CTNNA2: variants seen among roughly 807,000 people sequenced by gnomAD.
CTNNA2 encodes catenin alpha 2.
CTNNA2 carries 42 observed loss-of-function variants against 101.0 expected under a neutral mutation model. The observed-to-expected ratio is 0.42, with a 90% confidence interval of 0.32 to 0.54. The LOEUF is 0.54. Among genes scored for constraint, CTNNA2 ranks in the 20% least tolerant of loss-of-function variants. The pLI, the probability that CTNNA2 is intolerant of heterozygous loss-of-function variation, is 0.14. For synonymous variants in CTNNA2, 450 were observed against 456.4 expected, an observed-to-expected ratio of 0.99 and a Z score of 0.18; for missense variants, 871 against 1,223.1, an observed-to-expected ratio of 0.71 and a Z score of 4.29.
At chr2:79,457,958 T>G (rs773073501) in intron 4 of CTNNA2, among the ~76,000 whole-genome samples, 4 of 152,178 alleles carry the variant, frequency 2.6e-5, no homozygotes, top group Admixed American at 6.5e-5. Context: ...AGACAGTTCC[T>G]GGCATCAGCA....
intron 1 of CTNNA2, among the ~76,000 whole-genome samples, chr2:79,528,490 A>G (rs1356036317): frequency 6.6e-6 from 1 of 152,094 alleles, no homozygotes; most frequent in Non-Finnish European, 1.5e-5. Flanking sequence ...TGATGGTTGC[A>G]TATACTGTTT....
chr2:79,603,572 G>C (rs570683613), intron 1 of CTNNA2, among the ~76,000 whole-genome samples: 1 of 152,022 alleles, frequency 6.6e-6, no homozygotes, highest in Admixed American at 6.6e-5. Context: ...ATTTAAAAAC[G>C]AGCCAAAGCT....
intron 2 of CTNNA2, among the ~76,000 whole-genome samples, chr2:79,300,781 C>G (rs1234576617): frequency 6.6e-6 from 1 of 152,154 alleles, no homozygotes; most frequent in Non-Finnish European, 1.5e-5. Flanking sequence ...CTATGCCCTC[C>G]TTCTATCTGT....
At chr2:80,478,955 T>G (rs1685934659) in intron 9 of CTNNA2, among the ~76,000 whole-genome samples, 1 of 152,060 alleles carries the variant, frequency 6.6e-6, no homozygotes, top group African/African-American at 2.4e-5. Context: ...ATCTGTAGAT[T>G]GCTTTGGGCA....
intron 13 of CTNNA2, among the ~76,000 whole-genome samples, chr2:80,579,763 G>T (rs1011692792): frequency 6.6e-6 from 1 of 152,192 alleles, no homozygotes; most frequent in East Asian, 1.9e-4. Context: ...CTATTGGCAC[G>T]AAGGACCCCA....
intron 2 of CTNNA2, among the ~76,000 whole-genome samples, chr2:79,721,096 C>T (rs985364979): frequency 3.3e-5 from 5 of 150,918 alleles, no homozygotes; most frequent in African/African-American, 4.9e-5. Context: ...CTTGTTCAGG[C>T]GGAAATCTCA....
At chr2:79,467,330 AAG>A (rs1259875384) in intron 4 of CTNNA2, among the ~76,000 whole-genome samples, 4 of 152,198 alleles carry the variant, frequency 2.6e-5, no homozygotes, top group African/African-American at 9.7e-5. Flanking sequence ...TTAGAGAAAA[AAG>A]AGAAAAAAGA....
chr2:80,303,117 G>T lies in CTNNA2; in HGVS notation c.1057-90094G>T. Reference sequence around the variant, plus strand: ...TTCCTCCGCAGGCAGAGCGAGTGCAGGGAGATGAGGCGCGGGAAGTGGGCG... The same window carrying T: ...TTCCTCCGCAGGCAGAGCGAGTGCATGGAGATGAGGCGCGGGAAGTGGGCG... On this transcript the variant is annotated intron_variant, in intron 7 of 18. Transcript: ENST00000402739. This position sits in a 1 kb window ranked among gnomAD's most constrained non-coding sequence, Gnocchi z 7.7. 6.2e-7 allele frequency: 1 copy of T among 1,614,094 alleles called. No individual in the cohort carries two copies. The highest frequency in any genetic ancestry group is 8.5e-7 in the Non-Finnish European group (1 of 1,180,028).
chr2:80,512,211 G>A (rs1261975622), intron 9 of CTNNA2, among the ~76,000 whole-genome samples: 2 of 150,474 alleles, frequency 1.3e-5, no homozygotes, highest in African/African-American at 4.9e-5. Context: ...TTTTGCTCTG[G>A]ATTTAATTCT....
rs147494443 is a variant in CTNNA2, at chr2:79,316,283, C to T, written c.-318+3487C>T. Among the ~76,000 whole-genome samples the T allele has an allele frequency of 2.7e-3, 405 of 151,962 alleles. 4 individuals are homozygous for T. The highest frequency in any genetic ancestry group is 7.7e-4 in the Non-Finnish European group (52 of 67,864). On this transcript the variant is annotated intron_variant, in intron 3 of 21. Transcript: ENST00000466387. ...TATGTAATGGTTTATTTCTGGAATC[C>T]CAGTTCTGTTTCAATGATCTTTGTG...
intron 8 of CTNNA2, among the ~76,000 whole-genome samples, chr2:80,407,731 A>G (rs561365022): frequency 1.3e-5 from 2 of 152,350 alleles, no homozygotes; most frequent in African/African-American, 4.8e-5. Context: ...GTCATTTTAC[A>G]GGATTTCCAC....
At chr2:80,632,045 C>A (rs1672353597) in intron 18 of CTNNA2, among the ~76,000 whole-genome samples, 1 of 152,072 alleles carries the variant, frequency 6.6e-6, no homozygotes, top group Non-Finnish European at 1.5e-5. Context: ...CATAAGACCA[C>A]CTGACTGATA....
intron 7 of CTNNA2, among the ~76,000 whole-genome samples, chr2:80,069,532 T>C (rs908478205): frequency 6.6e-6 from 1 of 152,208 alleles, no homozygotes; most frequent in Non-Finnish European, 1.5e-5. Context: ...TACTAATTCC[T>C]TCCCCAAAAA....
At chr2:80,403,773 G>A (rs1489442934) in intron 8 of CTNNA2, among the ~76,000 whole-genome samples, 1 of 152,068 alleles carries the variant, frequency 6.6e-6, no homozygotes, top group African/African-American at 2.4e-5. Context: ...ATTATTTTGA[G>A]GTATGTTCCA....
intron 7 of CTNNA2, among the ~76,000 whole-genome samples, chr2:80,232,341 GTTTGT>G (rs1709279330): frequency 3.7e-5 from 3 of 82,062 alleles, no homozygotes; most frequent in African/African-American, 6.6e-5. Flanking sequence ...TTGTTTGTTT[GTTTGT>G]TTTTTTTTTT....
At chr2:80,157,333 C>T (rs1704047804) in intron 7 of CTNNA2, among the ~76,000 whole-genome samples, 1 of 152,138 alleles carries the variant, frequency 6.6e-6, no homozygotes, top group African/African-American at 2.4e-5. Flanking sequence ...GGTTCTTTGA[C>T]AATTCTCAGT....
chr2:79,287,531 G>A (rs1302270305), intron 2 of CTNNA2, among the ~76,000 whole-genome samples: 1 of 132,074 alleles, frequency 7.6e-6, no homozygotes, highest in East Asian at 2.1e-4. Context: ...GTGTCAGTCT[G>A]CCCCTGCTGG....
At chr2:79,512,221 AT>A (rs1437577346), upstream of CTNNA2, among the ~76,000 whole-genome samples, 1 of 152,152 alleles carries the variant, frequency 6.6e-6, no homozygotes, top group African/African-American at 2.4e-5. Flanking sequence ...GAGGACGAAC[AT>A]TTTTGGATAT....
intron 3 of CTNNA2, among the ~76,000 whole-genome samples, chr2:79,805,886 C>T (rs948263324): frequency 8.6e-5 from 13 of 150,954 alleles, no homozygotes; most frequent in Non-Finnish European, 1.2e-4. Context: ...TGCAGTGAGC[C>T]GAGATTGCAC....
Sources: gnomAD v4.1 joint callset for allele counts (sites outside exome capture counted in the v4.1 genomes callset) on GRCh38, gnomAD v4.1.1 for gene constraint, Gnocchi (gnomAD v3.1) non-coding constraint, MANE v1.5 for transcripts, NCBI Gene and HGNC (gene_info 2026-07-23, HGNC 2026-07-21) for gene names.